CD84: variants seen among roughly 807,000 people sequenced by gnomAD.
CD84 encodes CD84 molecule.
A neutral mutation model predicts 33.8 loss-of-function variants in CD84; 22 were observed. That is an observed-to-expected ratio of 0.65 (90% confidence interval 0.46 to 0.93). The LOEUF (loss-of-function observed/expected upper bound fraction) is 0.93. CD84 is among the 40% of genes least tolerant of loss of function. The probability of loss-of-function intolerance (pLI) is 0.00; values close to 1 mark genes in which losing one functional copy is unlikely to be tolerated. For missense variants in CD84, 400 were observed against 397.6 expected, an observed-to-expected ratio of 1.01 and a Z score of -0.05; for synonymous variants, 154 against 145.2, an observed-to-expected ratio of 1.06 and a Z score of -0.44.
At position 160,550,802 on chromosome 1, in the gene CD84, G is replaced by C. The variant is rs575925974; in HGVS notation, c.858+136C>G. The C allele has an allele frequency of 8.8e-5, 134 of 1,523,992 alleles. No individual in the cohort carries two copies. In the Middle Eastern group the frequency reaches 3.3e-3, roughly 38 times the overall value. The allele number at this position is 1,523,992 out of a possible 1,614,324, so 94.4% of individuals were successfully genotyped here. ...TCCGTGGCATCACTTCCCTGACATG[G>C]TATTTCCTGGTTGGAACCTCTGGAC... On this transcript the variant is annotated intron_variant, in intron 5 of 6. Transcript: ENST00000368054.
At chr1:160,567,577 A>C (rs1250704195) in intron 1 of CD84, among the ~76,000 whole-genome samples, 1 of 152,212 alleles carries the variant, frequency 6.6e-6, no homozygotes, top group Non-Finnish European at 1.5e-5. Flanking sequence ...GGACACAGGG[A>C]TAAACAGGAC....
chr1:160,548,372 GAA>G, intron 6 of CD84, 51 bp from the exon 7 acceptor site: 1 of 1,595,432 alleles, frequency 6.3e-7, no homozygotes, highest in Non-Finnish European at 8.6e-7. Flanking sequence ...TGCTGCTGGG[GAA>G]CTCCAGTCCT....
In CD84 at chr1:160,548,076, C is replaced by A; in HGVS notation, c.*180G>T. Reference sequence around the variant, plus strand: ...AGTCATTTCAGGAAGGGTATGCATCCATTTGTCCATTTAGGCACAAGCTAT... The same window carrying A: ...AGTCATTTCAGGAAGGGTATGCATCAATTTGTCCATTTAGGCACAAGCTAT... On this transcript the variant is annotated 3_prime_UTR_variant, in exon 7 of 7. Transcript: ENST00000368054. 3.2e-6 allele frequency: 2 copies of A among 632,752 alleles called. No individual in the cohort carries two copies. The highest frequency in any genetic ancestry group is 5.6e-6 in the Non-Finnish European group (2 of 354,812). The allele number at this position is 632,752 out of a possible 1,614,324, so 39.2% of individuals were successfully genotyped here.
intron 2 of CD84, among the ~76,000 whole-genome samples, chr1:160,557,054 T>G (rs1301663038): frequency 6.6e-6 from 1 of 152,210 alleles, no homozygotes; most frequent in Non-Finnish European, 1.5e-5. Context: ...AAAAAATTAA[T>G]GATTACTAGT....
chr1:160,567,021 G>A (rs1657371656), intron 1 of CD84, among the ~76,000 whole-genome samples: 2 of 152,128 alleles, frequency 1.3e-5, no homozygotes, highest in Admixed American at 6.5e-5. Flanking sequence ...TTTGGGGCAA[G>A]CATAGATGAT....
rs954928184 is a variant in CD84, at chr1:160,547,022, T to C, written c.*1234A>G. On this transcript the variant is annotated 3_prime_UTR_variant, in exon 7 of 7. Transcript: ENST00000368054. ...TTAGCCGATTATACTTGCTAACACA[T>C]AAGGGAAACACTTCCTTAAATGATC... The C allele has an allele frequency of 2.5e-6, 1 of 398,040 alleles. No homozygotes were observed. The highest frequency in any genetic ancestry group is 4.4e-5 in the Admixed American group (1 of 22,732). The allele number at this position is 398,040 out of a possible 1,614,324, so 24.7% of individuals were successfully genotyped here.
chr1:160,553,525 G>C, intron 3 of CD84, 28 bp from the exon 4 acceptor site: 1 of 1,613,634 alleles, frequency 6.2e-7, no homozygotes, highest in Non-Finnish European at 8.5e-7. Flanking sequence ...AGTGAGTCTT[G>C]ATTCTCAGGA....
At chr1:160,554,275 A>T in intron 2 of CD84, 129 bp from the exon 3 acceptor site, 2 of 964,120 alleles carry the variant, frequency 2.1e-6, no homozygotes, top group African/African-American at 1.7e-5. Flanking sequence ...ACATAATTAA[A>T]TAAATTATGT....
intron 1 of CD84, 78 bp from the exon 2 acceptor site, chr1:160,565,823 TC>T: frequency 1.6e-6 from 2 of 1,265,116 alleles, no homozygotes; most frequent in Non-Finnish European, 2.1e-6. Context: ...GCCTTGGAGC[TC>T]CCTGAGGAGC....
chr1:160,550,323 G>A (rs1341348382), intron 5 of CD84, among the ~76,000 whole-genome samples: 1 of 152,012 alleles, frequency 6.6e-6, no homozygotes, highest in Non-Finnish European at 1.5e-5. Context: ...CACAGCGCTA[G>A]ACTGACCAGG....
chr1:160,546,877 G>T lies in CD84; in HGVS notation c.*1379C>A. The T allele has an allele frequency of 2.7e-6, 1 of 368,330 alleles. No homozygotes were observed. The highest frequency in any genetic ancestry group is 1.5e-4 in the South Asian group (1 of 6,764). 22.8% of individuals were successfully genotyped at this position (368,330 alleles called of 1,614,324 possible). A position where few individuals can be genotyped will look rare whatever the true frequency, so the allele number is the denominator to read the frequency against. On this transcript the variant is annotated 3_prime_UTR_variant, in exon 7 of 7. Coordinates refer to ENST00000368054, the MANE Select transcript of CD84 (RefSeq NM_003874.4). ...TTGGGGCCTTGCAGCTCCTAACATA[G>T]TGCTAATGGTAGTTGGTGCTAGATG...
chr1:160,565,835 TG>T, intron 1 of CD84, 90 bp from the exon 2 acceptor site: 2 of 1,081,718 alleles, frequency 1.8e-6, no homozygotes, highest in Non-Finnish European at 2.6e-6. Context: ...CCTGAGGAGC[TG>T]CCACAAATGC....
chr1:160,573,542 G>A (rs986788364), intron 1 of CD84, among the ~76,000 whole-genome samples: 4 of 152,144 alleles, frequency 2.6e-5, no homozygotes, highest in Non-Finnish European at 5.9e-5. Flanking sequence ...TGCACCTGTT[G>A]TTCTCCTCTT....
intron 6 of CD84, 151 bp downstream of exon 6, chr1:160,549,766 A>G (rs1656074741): frequency 7.2e-6 from 5 of 697,404 alleles, no homozygotes; most frequent in Non-Finnish European, 1.0e-5. Flanking sequence ...GCATGGGTGG[A>G]AGTACATATA....
intron 2 of CD84, 90 bp from the exon 3 acceptor site, chr1:160,554,236 A>C: frequency 7.9e-7 from 1 of 1,267,630 alleles, no homozygotes; most frequent in South Asian, 2.7e-5. Flanking sequence ...AGAAATTTGC[A>C]AGCCATCATT....
At chr1:160,554,610 A>G (rs1656482013) in intron 2 of CD84, among the ~76,000 whole-genome samples, 1 of 152,274 alleles carries the variant, frequency 6.6e-6, no homozygotes, top group Non-Finnish European at 1.5e-5. Context: ...AGCACAAAAA[A>G]TAGGAAGTAT....
intron 1 of CD84, among the ~76,000 whole-genome samples, chr1:160,579,151 T>G (rs1658147193): frequency 6.6e-6 from 1 of 152,156 alleles, no homozygotes. Context: ...CTTTGGAAAC[T>G]GAGATCTCCA....
At chr1:160,569,117 C>T (rs1480938953) in intron 1 of CD84, among the ~76,000 whole-genome samples, 1 of 152,128 alleles carries the variant, frequency 6.6e-6, no homozygotes, top group Non-Finnish European at 1.5e-5. Context: ...TGGTACATGC[C>T]CTTTGGGCCT....
intron 1 of CD84, among the ~76,000 whole-genome samples, chr1:160,572,650 C>CAGTTGATTTTTGTA (rs1657762906): frequency 6.6e-6 from 1 of 152,118 alleles, no homozygotes; most frequent in Admixed American, 6.5e-5. Context: ...CAAGTGTTTG[C>CAGTTGATTTTTGTA]TAACTACCCT....
Sources: allele counts gnomAD v4.1 joint callset (sites outside exome capture counted in the v4.1 genomes callset), GRCh38; gene constraint gnomAD v4.1.1; transcripts MANE v1.5; gene names NCBI Gene and HGNC (gene_info 2026-07-23, HGNC 2026-07-21).